MMP16: variants seen among roughly 807,000 people sequenced by gnomAD.
The protein encoded by MMP16 is matrix metalloproteinase-16.
In MMP16, 12 loss-of-function variants were observed where a neutral mutation model predicts 67.8. The observed-to-expected ratio is 0.18, with a 90% CI of 0.11 to 0.29. The LOEUF (loss-of-function observed/expected upper bound fraction) is 0.29. Among genes scored for constraint, MMP16 ranks in the 10% least tolerant of loss-of-function variants. The pLI is 1.00. For missense variants in MMP16, 475 were observed against 765.7 expected, an observed-to-expected ratio of 0.62 and a Z score of 4.48; for synonymous variants, 249 against 255.9, an observed-to-expected ratio of 0.97 and a Z score of 0.26.
At chr8:88,158,980 G>A (rs1422503492) in intron 4 of MMP16, among the ~76,000 whole-genome samples, 1 of 152,078 alleles carries the variant, frequency 6.6e-6, no homozygotes, top group Non-Finnish European at 1.5e-5. Context: ...GGTTGTAGAT[G>A]TGTGGTGTTA....
At chr8:88,141,717 T>C (rs1435332271) in intron 4 of MMP16, among the ~76,000 whole-genome samples, 1 of 152,154 alleles carries the variant, frequency 6.6e-6, no homozygotes, top group African/African-American at 2.4e-5. Flanking sequence ...ACTTTCATAG[T>C]TATTGTCATG....
intron 7 of MMP16, among the ~76,000 whole-genome samples, chr8:88,066,064 A>G (rs1808459407): frequency 6.6e-6 from 1 of 152,130 alleles, no homozygotes; most frequent in South Asian, 2.1e-4. Flanking sequence ...AGTACTGCTT[A>G]AAGTTATTAA....
At chr8:88,246,455 A>G (rs1810113838) in intron 1 of MMP16, among the ~76,000 whole-genome samples, 1 of 152,192 alleles carries the variant, frequency 6.6e-6, no homozygotes, top group African/African-American at 2.4e-5. Context: ...CACCTTGAAG[A>G]CTGTGTAGCG....
intron 1 of MMP16, among the ~76,000 whole-genome samples, chr8:88,291,372 T>C (rs1324896485): frequency 6.6e-6 from 1 of 152,140 alleles, no homozygotes; most frequent in Non-Finnish European, 1.5e-5. Context: ...GGCTAAAATT[T>C]TTAGAAGCCC....
chr8:88,072,957 G>A (rs1003166820), intron 7 of MMP16, among the ~76,000 whole-genome samples: 1 of 152,110 alleles, frequency 6.6e-6, no homozygotes, highest in Non-Finnish European at 1.5e-5. Flanking sequence ...GAGCGGCAAA[G>A]CGAATAAAAG....
At chr8:88,062,876 T>C (rs1808417805) in intron 7 of MMP16, among the ~76,000 whole-genome samples, 1 of 152,138 alleles carries the variant, frequency 6.6e-6, no homozygotes, top group Non-Finnish European at 1.5e-5. Flanking sequence ...CAGTTAAGTA[T>C]GTAAGATTCA....
intron 6 of MMP16, among the ~76,000 whole-genome samples, chr8:88,098,701 A>G (rs1191389818): frequency 3.3e-5 from 5 of 151,992 alleles, no homozygotes; most frequent in Non-Finnish European, 7.4e-5. Flanking sequence ...CAAAGTAGAA[A>G]ACAACTTCAT....
rs574466205 is a variant in MMP16, at chr8:88,262,906, TC to T, written c.132+64168del. ...CGAGCGTGGTAGCGGGTGCCTGTAG[TC>T]CCAGCTACTCGGGAGGCTGAGGCAG... On this transcript the variant is annotated intron_variant, in intron 1 of 9. Transcript: ENST00000286614. 2.4e-3 allele frequency among the ~76,000 whole-genome samples: 341 copies of T among 144,906 alleles called. 2 individuals carry two copies. The Middle Eastern group carries it at 0.029, about 12-fold the overall frequency.
chr8:88,206,002 C>A (rs182504355), intron 1 of MMP16, among the ~76,000 whole-genome samples: 2 of 152,152 alleles, frequency 1.3e-5, no homozygotes, highest in Admixed American at 6.6e-5. Flanking sequence ...CTTATTTCTG[C>A]TGCCACTCCT....
At chr8:88,320,164 A>C (rs1449203702) in intron 1 of MMP16, among the ~76,000 whole-genome samples, 1 of 152,136 alleles carries the variant, frequency 6.6e-6, no homozygotes, top group Non-Finnish European at 1.5e-5. Context: ...CGTTTTTTAC[A>C]TATTTTTAAA....
chr8:88,124,463 T>C (rs1447290615), intron 4 of MMP16, among the ~76,000 whole-genome samples: 1 of 151,816 alleles, frequency 6.6e-6, no homozygotes, highest in African/African-American at 2.4e-5. Flanking sequence ...TAAGCCCCCA[T>C]ATAGTCCAGG....
At chr8:88,236,535 T>G (rs1272598047) in intron 1 of MMP16, among the ~76,000 whole-genome samples, 4 of 152,072 alleles carry the variant, frequency 2.6e-5, no homozygotes, top group Non-Finnish European at 4.4e-5. Context: ...GGGGGCAGAT[T>G]ACTTGAGTCC....
chr8:88,204,703 AT>A (rs1193176999), intron 1 of MMP16, among the ~76,000 whole-genome samples: 2 of 152,188 alleles, frequency 1.3e-5, no homozygotes, highest in Non-Finnish European at 2.9e-5. Flanking sequence ...AAGATGTACA[AT>A]AAAAAGTGTA....
chr8:88,308,827 G>A (rs1016970979), intron 1 of MMP16, among the ~76,000 whole-genome samples: 4 of 151,758 alleles, frequency 2.6e-5, no homozygotes, highest in Admixed American at 1.3e-4. Flanking sequence ...ATGACAGAAC[G>A]GGGCCAATTT....
At chr8:88,202,509 A>G (rs1412607046) in intron 1 of MMP16, among the ~76,000 whole-genome samples, 1 of 152,142 alleles carries the variant, frequency 6.6e-6, no homozygotes, top group Non-Finnish European at 1.5e-5. Context: ...CTGAAATTCC[A>G]TTATGTGCTA....
At chr8:88,285,745 A>C (rs748090135) in intron 1 of MMP16, among the ~76,000 whole-genome samples, 2 of 152,182 alleles carry the variant, frequency 1.3e-5, no homozygotes, top group Non-Finnish European at 2.9e-5. Context: ...AAATATATAC[A>C]TCATTTACCA....
At chr8:88,141,595 A>C (rs1808211458) in intron 4 of MMP16, among the ~76,000 whole-genome samples, 2 of 152,200 alleles carry the variant, frequency 1.3e-5, no homozygotes, top group African/African-American at 4.8e-5. Context: ...TAATAACAGA[A>C]TCTACTTAAT....
At chr8:88,289,388 A>G (rs1048928662) in intron 1 of MMP16, among the ~76,000 whole-genome samples, 1 of 152,208 alleles carries the variant, frequency 6.6e-6, no homozygotes, top group African/African-American at 2.4e-5. Context: ...GTAAAATATC[A>G]AATGATTATA....
intron 1 of MMP16, among the ~76,000 whole-genome samples, chr8:88,262,857 A>AAT (rs1487634536): frequency 7.5e-6 from 1 of 134,128 alleles, no homozygotes; most frequent in African/African-American, 3.3e-5. Flanking sequence ...AAAAAAAAAA[A>AAT]AAAAAAAAAA....
Sources: gnomAD v4.1 joint callset for allele counts (sites outside exome capture counted in the v4.1 genomes callset) on GRCh38, gnomAD v4.1.1 for gene constraint, MANE v1.5 for transcripts, NCBI Gene and HGNC (gene_info 2026-07-23, HGNC 2026-07-21) for gene names.